The following RFX3 variants were observed in gnomAD, a reference collection of about 807,000 sequenced individuals.
RFX3 encodes the protein regulatory factor X3, also known as transcription factor RFX3.
RFX3 carries 14 observed loss-of-function variants against 98.6 expected under a neutral mutation model. The observed-to-expected ratio is 0.14, with a 90% CI of 0.09 to 0.22. The LOEUF is 0.22. RFX3 is among the 10% of genes least tolerant of loss of function. The pLI is 1.00. For synonymous variants in RFX3, 383 were observed against 328.4 expected (o/e 1.17, Z -1.80); for missense variants, 639 against 926.9 (o/e 0.69, Z 4.03).
At chr9:3,305,242 G>C (rs1238510499) in intron 4 of RFX3, among the ~76,000 whole-genome samples, 1 of 151,904 alleles carries the variant, frequency 6.6e-6, no homozygotes, top group African/African-American at 2.4e-5. Flanking sequence ...GAGTGAGGCT[G>C]AAAAAATAGG....
chr9:3,490,209 T>C, intron 1 of RFX3: 1 of 463,332 alleles, frequency 2.2e-6, no homozygotes, highest in Non-Finnish European at 2.8e-6. Flanking sequence ...ACTCCATATA[T>C]GACATCTGAA....
chr9:3,293,546 A>G (rs1340853588), intron 5 of RFX3, among the ~76,000 whole-genome samples: 2 of 152,216 alleles, frequency 1.3e-5, no homozygotes, highest in Admixed American at 6.5e-5. Flanking sequence ...TTTTGAAAAT[A>G]GACACCACTT....
chr9:3,231,721 A>G (rs915997362), intron 15 of RFX3, among the ~76,000 whole-genome samples: 4 of 152,108 alleles, frequency 2.6e-5, no homozygotes, highest in Non-Finnish European at 5.9e-5. Flanking sequence ...GAAGAAAAAT[A>G]GTACCATAGA....
At chr9:3,452,908 G>A (rs1254372915) in intron 1 of RFX3, among the ~76,000 whole-genome samples, 2 of 152,098 alleles carry the variant, frequency 1.3e-5, no homozygotes, top group Non-Finnish European at 2.9e-5. Flanking sequence ...AGACTAAAAT[G>A]ATTTCAATCA....
At chr9:3,311,108 C>T (rs1017713310) in intron 4 of RFX3, among the ~76,000 whole-genome samples, 4 of 152,170 alleles carry the variant, frequency 2.6e-5, no homozygotes, top group Non-Finnish European at 4.4e-5. Context: ...TTAACATCAT[C>T]AGTGAGTACT....
chr9:3,405,789 T>C (rs913402991), intron 1 of RFX3, among the ~76,000 whole-genome samples: 4 of 152,146 alleles, frequency 2.6e-5, no homozygotes, highest in Admixed American at 1.3e-4. Flanking sequence ...CCACTACCTA[T>C]AATAGGTTCT....
At chr9:3,240,145 G>T (rs1819726963) in intron 15 of RFX3, among the ~76,000 whole-genome samples, 1 of 152,184 alleles carries the variant, frequency 6.6e-6, no homozygotes. Flanking sequence ...ATGGAACTCA[G>T]GGGAGACAGA....
chr9:3,355,284 G>A (rs904418402), intron 2 of RFX3, among the ~76,000 whole-genome samples: 1 of 151,754 alleles, frequency 6.6e-6, no homozygotes, highest in African/African-American at 2.4e-5. Flanking sequence ...GGGTAAAAAT[G>A]GGTGAGATCC....
intron 1 of RFX3, chr9:3,469,071 AC>A (rs529363668): frequency 4.8e-5 from 18 of 377,900 alleles, no homozygotes; most frequent in Middle Eastern, 3.7e-4. Flanking sequence ...CATTAAAAAA[AC>A]ATTCAAGTGA....
rs1356000026 is a variant in RFX3, at chr9:3,222,208, G to C, written c.*2834C>G. ...TGTGAACTACAAATAACTAGAAGTA[G>C]CATAAACCATAGGTCTTCTTTTTAT... On this transcript the variant is annotated 3_prime_UTR_variant, in exon 17 of 17. Coordinates refer to ENST00000617270, the MANE Select transcript of RFX3 (RefSeq NM_001282116.2). 6.6e-6 allele frequency: 1 copy of C among 152,126 alleles called. No homozygotes were observed. Among genetic ancestry groups the C allele is most frequent in the Non-Finnish European group, 1.5e-5 (1 of 67,980 alleles). 9.4% of individuals were successfully genotyped at this position (152,126 alleles called of 1,614,324 possible).
At chr9:3,386,918 G>A (rs980984826) in intron 2 of RFX3, among the ~76,000 whole-genome samples, 1 of 152,078 alleles carries the variant, frequency 6.6e-6, no homozygotes, top group African/African-American at 2.4e-5. Context: ...ACATATGAAG[G>A]TATCACAAAT....
chr9:3,419,547 A>C (rs1315134378), intron 1 of RFX3, among the ~76,000 whole-genome samples: 1 of 152,156 alleles, frequency 6.6e-6, no homozygotes, highest in African/African-American at 2.4e-5. Context: ...TAAAATACCA[A>C]ATAAGTCTGT....
At chr9:3,303,757 C>G (rs768021734) in intron 4 of RFX3, among the ~76,000 whole-genome samples, 1 of 151,868 alleles carries the variant, frequency 6.6e-6, no homozygotes, top group African/African-American at 2.4e-5. Context: ...AAATGGCCTT[C>G]TCATTTCTGG....
intron 1 of RFX3, among the ~76,000 whole-genome samples, chr9:3,418,635 C>T (rs1448249188): frequency 2.0e-5 from 3 of 152,294 alleles, no homozygotes; most frequent in East Asian, 3.9e-4. Context: ...CTGCCTTGGC[C>T]TCCCAAAGTG....
chr9:3,243,872 G>A (rs1820280533), intron 15 of RFX3, among the ~76,000 whole-genome samples: 1 of 152,192 alleles, frequency 6.6e-6, no homozygotes, highest in African/African-American at 2.4e-5. Flanking sequence ...AAGCATGGCA[G>A]ATTAACAGCA....
intron 1 of RFX3, among the ~76,000 whole-genome samples, chr9:3,411,415 T>G (rs577345628): frequency 1.1e-4 from 17 of 152,136 alleles, no homozygotes; most frequent in Non-Finnish European, 2.4e-4. Flanking sequence ...AAGGCTGAAG[T>G]GCAGTGGCAT....
chr9:3,419,160 T>C (rs1244492447), intron 1 of RFX3, among the ~76,000 whole-genome samples: 2 of 152,212 alleles, frequency 1.3e-5, no homozygotes, highest in Non-Finnish European at 2.9e-5. Flanking sequence ...CAACAACATA[T>C]ATGTGGAACA....
chr9:3,297,974 C>G (rs1339672585), intron 5 of RFX3, among the ~76,000 whole-genome samples: 1 of 151,384 alleles, frequency 6.6e-6, no homozygotes, highest in African/African-American at 2.4e-5. Flanking sequence ...TTAATTAACA[C>G]CAAGAAAAAG....
chr9:3,275,843 C>T (rs1825137478), intron 8 of RFX3, among the ~76,000 whole-genome samples: 1 of 152,032 alleles, frequency 6.6e-6, no homozygotes, highest in South Asian at 2.1e-4. Flanking sequence ...ACAAAATTTG[C>T]AATACAATTA....
Sources: gnomAD v4.1 joint callset for allele counts (sites outside exome capture counted in the v4.1 genomes callset) on GRCh38, gnomAD v4.1.1 for gene constraint, MANE v1.5 for transcripts, NCBI Gene and HGNC (gene_info 2026-07-23, HGNC 2026-07-21) for gene names.